Variants in PIGN observed in about 807,000 individuals in gnomAD.
The protein encoded by PIGN is GPI ethanolamine phosphate transferase 1.
PIGN carries 117 observed loss-of-function variants against 125.4 expected under a neutral mutation model. That is an observed-to-expected ratio of 0.93 (90% CI 0.80 to 1.09). PIGN has a LOEUF of 1.09. Among genes scored for constraint, PIGN ranks in the 50% least tolerant of loss-of-function variants. The pLI is 0.00. For synonymous variants in PIGN, 392 were observed against 377.8 expected (o/e 1.04, Z -0.44); for missense variants, 1,075 against 1,094.9 (o/e 0.98, Z 0.26).
At position 62,090,596 on chromosome 18, in the gene PIGN, G is replaced by C. The variant is rs767722391; in HGVS notation, c.2181-18C>G. The C allele has an allele frequency of 1.4e-6, 2 of 1,452,966 alleles. No individual in the cohort carries two copies. Among genetic ancestry groups the C allele is most frequent in the Non-Finnish European group, 1.9e-6 (2 of 1,044,948 alleles). The allele number at this position is 1,452,966 out of a possible 1,614,324, so 90.0% of individuals were successfully genotyped here. The stretch of plus-strand genomic sequence containing the variant: ...CTTCATACCTAACAGGTGGGGAAAG[G>C]TAGAAATGAAAAGAAAAAAACAGTA... On this transcript the variant is annotated intron_variant, in intron 23 of 30. Transcript: ENST00000640252.
At chr18:62,153,489 G>A (rs771499956) in intron 7 of PIGN, 1 of 152,172 alleles carries the variant, frequency 6.6e-6, no homozygotes, top group Non-Finnish European at 1.5e-5. Flanking sequence ...CATGATTTTG[G>A]AGGGATTTTA....
intron 22 of PIGN, among the ~76,000 whole-genome samples, chr18:62,097,906 A>G (rs1006374490): frequency 6.6e-6 from 1 of 152,120 alleles, no homozygotes; most frequent in African/African-American, 2.4e-5. Flanking sequence ...CTCCATCTCT[A>G]TTCTGGGAAG....
intron 14 of PIGN, among the ~76,000 whole-genome samples, chr18:62,119,939 G>T (rs969896727): frequency 6.6e-6 from 1 of 151,982 alleles, no homozygotes; most frequent in African/African-American, 2.4e-5. Context: ...ATACTAAAAA[G>T]ATTATAGAAA....
chr18:62,156,052 A>G (rs2036720149), intron 6 of PIGN, among the ~76,000 whole-genome samples: 1 of 152,316 alleles, frequency 6.6e-6, no homozygotes, highest in East Asian at 1.9e-4. Context: ...ATCCTTTCTG[A>G]TAAGTGAAAT....
At chr18:62,175,192 C>T (rs1460449447) in intron 1 of PIGN, among the ~76,000 whole-genome samples, 1 of 151,100 alleles carries the variant, frequency 6.6e-6, no homozygotes, top group Non-Finnish European at 1.5e-5. Context: ...TCACTGCCAT[C>T]ACCTAAGTCC....
At chr18:62,057,656 A>G (rs1474954683) in intron 30 of PIGN, among the ~76,000 whole-genome samples, 1 of 152,216 alleles carries the variant, frequency 6.6e-6, no homozygotes, top group East Asian at 1.9e-4. Context: ...TCAACAAACT[A>G]ATGCTTCAAC....
At chr18:62,176,847 A>T (rs1342243796) in intron 1 of PIGN, among the ~76,000 whole-genome samples, 1 of 152,138 alleles carries the variant, frequency 6.6e-6, no homozygotes, top group Non-Finnish European at 1.5e-5. Flanking sequence ...TGGTTTTGAT[A>T]ATTATATGAT....
chr18:62,087,658 G>C (rs1024468735), intron 25 of PIGN, among the ~76,000 whole-genome samples: 2 of 152,226 alleles, frequency 1.3e-5, no homozygotes, highest in African/African-American at 4.8e-5. Flanking sequence ...GCAAGAGACA[G>C]AGAGGATGGA....
chr18:62,082,391 T>C (rs1216050324), intron 28 of PIGN, among the ~76,000 whole-genome samples: 1 of 152,118 alleles, frequency 6.6e-6, no homozygotes, highest in Admixed American at 6.5e-5. Context: ...TAATTTAACA[T>C]TTATGTTTTA....
chr18:62,139,138 C>T, intron 12 of PIGN, 63 bp from the exon 13 acceptor site: 1 of 937,014 alleles, frequency 1.1e-6, no homozygotes, highest in South Asian at 1.5e-5. Context: ...CCTTATAAAA[C>T]AAAACAGACT....
intron 15 of PIGN, among the ~76,000 whole-genome samples, chr18:62,114,116 C>T (rs1171117140): frequency 2.6e-5 from 4 of 152,272 alleles, no homozygotes; most frequent in Non-Finnish European, 4.4e-5. Flanking sequence ...AATCCCAGCA[C>T]TTTGGGAAGC....
At chr18:62,168,396 T>G (rs1265448118) in intron 1 of PIGN, among the ~76,000 whole-genome samples, 1 of 152,140 alleles carries the variant, frequency 6.6e-6, no homozygotes, top group Non-Finnish European at 1.5e-5. Context: ...ATGTTAACAT[T>G]TCCCCTATTT....
intron 1 of PIGN, among the ~76,000 whole-genome samples, chr18:62,181,208 A>G (rs533419814): frequency 6.6e-6 from 1 of 152,294 alleles, no homozygotes; most frequent in East Asian, 1.9e-4. Context: ...ACAATATCTA[A>G]CCATAGGGAA....
At chr18:62,155,057 C>T (rs1431847706) in intron 6 of PIGN, among the ~76,000 whole-genome samples, 2 of 152,114 alleles carry the variant, frequency 1.3e-5, no homozygotes, top group Admixed American at 6.6e-5. Flanking sequence ...GTGTGTTGTA[C>T]AAACCTTCTT....
intron 30 of PIGN, among the ~76,000 whole-genome samples, chr18:62,056,190 T>A (rs1390882711): frequency 1.3e-5 from 2 of 149,718 alleles, no homozygotes; most frequent in Non-Finnish European, 3.0e-5. Flanking sequence ...AAACGAAAAG[T>A]TTCTACAAAA....
downstream of PIGN, among the ~76,000 whole-genome samples, chr18:62,039,616 A>T (rs1189956799): frequency 6.4e-5 from 7 of 108,782 alleles, no homozygotes; most frequent in South Asian, 3.0e-4. Flanking sequence ...TTAGGGCCCC[A>T]TCCAGAGTGC....
At chr18:62,134,160 C>T (rs1293776178) in intron 14 of PIGN, among the ~76,000 whole-genome samples, 1 of 151,644 alleles carries the variant, frequency 6.6e-6, no homozygotes, top group East Asian at 1.9e-4. Context: ...TTTGGGAGGC[C>T]GAGGTGGGTG....
intron 25 of PIGN, among the ~76,000 whole-genome samples, chr18:62,086,540 C>T (rs1214643030): frequency 2.0e-5 from 3 of 152,086 alleles, no homozygotes; most frequent in African/African-American, 7.2e-5. Flanking sequence ...TCACTTGAAC[C>T]CGGCAAGTGG....
chr18:62,072,005 G>A (rs2032906642), intron 30 of PIGN, among the ~76,000 whole-genome samples: 1 of 148,018 alleles, frequency 6.8e-6, no homozygotes, highest in Admixed American at 6.8e-5. Context: ...GTTATTGCCT[G>A]TGAACACCTT....
Sources: gnomAD v4.1 joint callset for allele counts (sites outside exome capture counted in the v4.1 genomes callset) on GRCh38, gnomAD v4.1.1 for gene constraint, MANE v1.5 for transcripts, NCBI Gene and HGNC (gene_info 2026-07-23, HGNC 2026-07-21) for gene names.